Variants in NCAPD3 observed in about 807,000 individuals in gnomAD.
The protein encoded by NCAPD3 is non-SMC condensin II complex subunit D3.
A neutral mutation model predicts 182.9 loss-of-function variants in NCAPD3; 105 were observed. The observed-to-expected ratio is 0.57, with a 90% confidence interval of 0.49 to 0.68. The LOEUF (loss-of-function observed/expected upper bound fraction) is 0.68. NCAPD3 is among the 30% of genes least tolerant of loss of function. The pLI, the probability that NCAPD3 is intolerant of heterozygous loss-of-function variation, is 0.00. For missense variants in NCAPD3, 1,944 were observed against 1,837.0 expected (o/e 1.06, Z -1.07); for synonymous variants, 815 against 679.9 (o/e 1.20, Z -3.09).
At chr11:134,156,078 C>G (rs1235483988) in intron 32 of NCAPD3, among the ~76,000 whole-genome samples, 2 of 152,220 alleles carry the variant, frequency 1.3e-5, no homozygotes, top group Admixed American at 1.3e-4. Flanking sequence ...AGCACCTTAG[C>G]ACGCTCTCAT....
intron 3 of NCAPD3, among the ~76,000 whole-genome samples, chr11:134,212,448 C>T (rs908877311): frequency 6.6e-6 from 1 of 150,510 alleles, no homozygotes; most frequent in South Asian, 2.1e-4. Flanking sequence ...GGCTGAAGTA[C>T]AGTGGCGTGG....
At chr11:134,165,787 A>C (rs181279564) in intron 27 of NCAPD3, among the ~76,000 whole-genome samples, 22 of 115,630 alleles carry the variant, frequency 1.9e-4, no homozygotes, top group Admixed American at 5.1e-4. Flanking sequence ...TCGTGAGAGG[A>C]GCTTAGGGGA....
At chr11:134,206,885 A>T (rs1937626183) in intron 7 of NCAPD3, among the ~76,000 whole-genome samples, 153 bp from the exon 8 acceptor site, 1 of 152,200 alleles carries the variant, frequency 6.6e-6, no homozygotes. Context: ...ATATTTCTTA[A>T]ACAATGAGCA....
chr11:134,206,195 GAAAC>G (rs1937610563), intron 8 of NCAPD3, among the ~76,000 whole-genome samples: 1 of 152,156 alleles, frequency 6.6e-6, no homozygotes, highest in Admixed American at 6.5e-5. Flanking sequence ...AAAGTGCAAA[GAAAC>G]AAGAAGAAAG....
chr11:134,170,745 C>A (rs967030114), intron 24 of NCAPD3, among the ~76,000 whole-genome samples: 2 of 152,178 alleles, frequency 1.3e-5, no homozygotes, highest in South Asian at 2.1e-4. Flanking sequence ...ACCATCTATA[C>A]AAATAAATTC....
rs1342238900 is a variant in NCAPD3 at position 134,192,741 on chromosome 11, C to A, written c.1993G>T (p.Val665Phe). ...AGAGTAAGAAGCGCCCAGGCGAGGA[C>A]CTGGCTGTCGTCCCCAGAGTGAAAA... The part of the protein sequence containing the change: ...SHFHSGDDSQ[V>F]LAWALLTLLT... The change falls in exon 16 of 35, where the codon GTC (valine) becomes TTC (phenylalanine). Residue 665 changes from valine (V) to phenylalanine (F), a missense_variant. Physicochemically the swap from Val to Phe is conservative, Grantham distance 50. This residue lies in a region of NCAPD3 where 1,803 missense variants were observed against 1,674.6 expected (regional missense o/e 1.08). Coordinates refer to ENST00000534548, the MANE Select transcript of NCAPD3 (RefSeq NM_015261.3). The A allele has an allele frequency of 3.1e-6, 5 of 1,614,110 alleles. No homozygotes were observed. In the African/African-American group the frequency reaches 6.7e-5, roughly 22 times the overall value.
At chr11:134,169,119 C>A (rs1370133881) in intron 24 of NCAPD3, 65 bp from the exon 25 acceptor site, 4 of 1,520,194 alleles carry the variant, frequency 2.6e-6, no homozygotes, top group Admixed American at 3.8e-5. Flanking sequence ...TCTGAATACA[C>A]CAAGAACTCT....
chr11:134,197,300 A>T (rs1481479890), intron 13 of NCAPD3, among the ~76,000 whole-genome samples: 1 of 133,798 alleles, frequency 7.5e-6, no homozygotes, highest in Admixed American at 8.1e-5. Flanking sequence ...TTTTTGAGAC[A>T]GAGTCTCACT....
Position 134,163,892 on chromosome 11 carries a change from AG to A in NCAPD3, c.3574-2002del, listed in dbSNP as rs374759514. Among the ~76,000 whole-genome samples the A allele has an allele frequency of 7.0e-3, 1,043 of 147,986 alleles. 14 individuals carry two copies. The highest frequency in any genetic ancestry group is 0.024 in the African/African-American group (960 of 39,694). On this transcript the variant is annotated intron_variant, in intron 27 of 34. Coordinates refer to ENST00000534548, the MANE Select transcript of NCAPD3 (RefSeq NM_015261.3). ...GTCTCAAAAAAAAAAAAAAAAAAAA[AG>A]AAAAAGAAAGAAAGACTGCTCTGGC... is the stretch of plus-strand genomic sequence containing the variant.
At chr11:134,206,781 G>C in intron 7 of NCAPD3, 49 bp from the exon 8 acceptor site, 1 of 1,567,570 alleles carries the variant, frequency 6.4e-7, no homozygotes, top group Non-Finnish European at 8.7e-7. Context: ...AGAACACAAG[G>C]GTCTCAGACA....
chr11:134,155,944 G>A (rs926977530), intron 32 of NCAPD3, among the ~76,000 whole-genome samples: 14 of 152,222 alleles, frequency 9.2e-5, no homozygotes, highest in African/African-American at 1.4e-4. Flanking sequence ...AGAGATCACA[G>A]CATCAGTGTG....
At chr11:134,224,185 C>T, upstream of NCAPD3, 1 of 584,514 alleles carries the variant, frequency 1.7e-6, no homozygotes. Context: ...GGAGCCAGGG[C>T]CTGAGTTAAA....
chr11:134,165,428 C>A (rs141509026), intron 27 of NCAPD3, among the ~76,000 whole-genome samples: 173 of 148,326 alleles, frequency 1.2e-3, no homozygotes, highest in African/African-American at 3.5e-3. Flanking sequence ...GGAAGAAGCA[C>A]ACTCGTGAGA....
At chr11:134,164,892 G>T (rs1240533429) in intron 27 of NCAPD3, among the ~76,000 whole-genome samples, 1 of 150,920 alleles carries the variant, frequency 6.6e-6, no homozygotes, top group Non-Finnish European at 1.5e-5. Flanking sequence ...TGTGACATGA[G>T]CTTAGGGGGA....
At chr11:134,186,701 G>T (rs1488365850) in intron 16 of NCAPD3, among the ~76,000 whole-genome samples, 1 of 152,136 alleles carries the variant, frequency 6.6e-6, no homozygotes, top group Admixed American at 6.5e-5. Flanking sequence ...CGAACATCAG[G>T]AATTCCTCAT....
At chr11:134,176,835 C>T (rs189038961) in intron 23 of NCAPD3, among the ~76,000 whole-genome samples, 38 of 152,268 alleles carry the variant, frequency 2.5e-4, no homozygotes, top group African/African-American at 8.4e-4. Flanking sequence ...CAGAGCCCAG[C>T]GCGAACACCA....
chr11:134,210,294 C>G lies in NCAPD3; in HGVS notation c.543G>C (p.Lys181Asn). ...CCTCAATATCTTCTCTCCTGGGTGG[C>G]TTTCCCCTTTTTCTATGCCTCCCGG... ...ANPGRHRKRGKPPRREDIEMD... is the reference protein window; with the variant it reads ...ANPGRHRKRGNPPRREDIEMD... Residue 181 changes from lysine (K) to asparagine (N), a missense_variant, in exon 4 of 35, where the codon AAG becomes AAC. Lys to Asn is a moderately conservative substitution (Grantham distance 94). Transcript: ENST00000534548. 1 of 1,613,600 alleles carries G rather than the reference C, an allele frequency of 6.2e-7. No homozygotes were observed. The highest frequency in any genetic ancestry group is 8.5e-7 in the Non-Finnish European group (1 of 1,179,894).
At position 134,209,361 on chromosome 11, in the gene NCAPD3, T is replaced by C. The variant is rs34328388; in HGVS notation, c.684A>G (p.Pro228=). The C allele has an allele frequency of 2.2e-3, 3,539 of 1,614,172 alleles. 70 individuals carry two copies. The African/African-American group carries it at 0.041, about 19-fold the overall frequency. The change falls in exon 5 of 35, where the codon CCA becomes CCG. Residue 228 remains proline, a synonymous_variant. Coordinates refer to ENST00000534548, the MANE Select transcript of NCAPD3 (RefSeq NM_015261.3). The stretch of plus-strand genomic sequence containing the variant: ...GTGGCTTTTCTTTCAAGGAAAACTT[T>C]GGCAGAAGCCTTAAAAAATTCTTTA... ...HLLKNFLRLL[P]KFSLKEKPQC...
intron 22 of NCAPD3, 112 bp downstream of exon 22, chr11:134,178,522 G>C (rs1159068013): frequency 6.4e-6 from 5 of 784,336 alleles, no homozygotes; most frequent in Non-Finnish European, 1.0e-5. Flanking sequence ...ATGGCTGAGA[G>C]CAGACACAGA....
Sources: gnomAD v4.1 joint callset for allele counts (sites outside exome capture counted in the v4.1 genomes callset) on GRCh38, gnomAD v4.1.1 for gene constraint, gnomAD v4.1.1 regional missense constraint, MANE v1.5 for transcripts, NCBI Gene and HGNC (gene_info 2026-07-23, HGNC 2026-07-21) for gene names.